Variants in SP100 observed in about 807,000 individuals in gnomAD.
SP100 encodes SP100 nuclear body protein.
SP100 carries 84 observed loss-of-function variants against 130.0 expected under a neutral mutation model. The ratio of observed to expected loss-of-function variants is 0.65; its 90% CI spans 0.54 to 0.77. The LOEUF is 0.77. Among genes scored for constraint, SP100 ranks in the 30% least tolerant of loss-of-function variants. SP100 has a pLI of 0.00. For missense variants in SP100, 978 were observed against 1,052.2 expected, an observed-to-expected ratio of 0.93 and a Z score of 0.97; for synonymous variants, 331 against 351.7, an observed-to-expected ratio of 0.94 and a Z score of 0.66.
intron 20 of SP100, 124 bp from the exon 21 acceptor site, chr2:230,504,062 G>C: frequency 1.7e-6 from 1 of 589,274 alleles, no homozygotes. Context: ...AAATGTAACT[G>C]ATTCATGGGG....
intron 17 of SP100, among the ~76,000 whole-genome samples, chr2:230,478,351 G>C (rs2065669414): frequency 6.6e-6 from 1 of 152,080 alleles, no homozygotes; most frequent in African/African-American, 2.4e-5. Flanking sequence ...CAGAATTACA[G>C]GTTTCTTTGG....
intron 19 of SP100, among the ~76,000 whole-genome samples, chr2:230,501,389 C>A (rs998362593): frequency 6.6e-6 from 1 of 152,112 alleles, no homozygotes; most frequent in Non-Finnish European, 1.5e-5. Flanking sequence ...ACATCTTGTG[C>A]GGTAGAGCAT....
chr2:230,523,022 C>T (rs1196853916), intron 24 of SP100, among the ~76,000 whole-genome samples: 1 of 151,664 alleles, frequency 6.6e-6, no homozygotes, highest in Non-Finnish European at 1.5e-5. Flanking sequence ...ATCATGTTGC[C>T]CAGGCTGGTC....
rs1479072516 is a variant in SP100, at chr2:230,450,056, CAG to C, written c.737-115_737-114del. On this transcript the variant is annotated intron_variant, in intron 7 of 28. Transcript: ENST00000340126. ...ACCTTCACGCAGCAATATATGCAGACAGGGGTATAAGTAGAAACAGGAGAAGA... is the reference window on the plus strand; with the variant it reads ...ACCTTCACGCAGCAATATATGCAGACGGGTATAAGTAGAAACAGGAGAAGA... 2.6e-4 allele frequency: 186 copies of C among 714,800 alleles called. 1 individual carries two copies. The highest frequency in any genetic ancestry group is 1.3e-4 in the Non-Finnish European group (53 of 409,116). The allele number at this position is 714,800 out of a possible 1,614,324, so 44.3% of individuals were successfully genotyped here. A position where few individuals can be genotyped will look rare whatever the true frequency, so the allele number is the denominator to read the frequency against.
At chr2:230,490,359 C>T (rs558888426) in intron 17 of SP100, among the ~76,000 whole-genome samples, 2 of 152,224 alleles carry the variant, frequency 1.3e-5, no homozygotes, top group East Asian at 1.9e-4. Context: ...AAATTTTCCT[C>T]CATTCCCTTA....
chr2:230,534,003 A>G (rs1691818071), intron 24 of SP100, among the ~76,000 whole-genome samples: 1 of 152,186 alleles, frequency 6.6e-6, no homozygotes. Context: ...ATTTTTATTT[A>G]CCTTTTGAAT....
chr2:230,461,342 C>T lies in SP100; in HGVS notation c.901C>T (p.Pro301Ser). The T allele has an allele frequency of 1.9e-6, 3 of 1,614,050 alleles. No homozygotes were observed. Among genetic ancestry groups the T allele is most frequent in the Middle Eastern group, 3.3e-4 (2 of 6,060 alleles). Residue 301 changes from proline to serine, a missense_variant, in exon 9 of 29, where the codon CCA (proline) becomes TCA (serine). Coordinates refer to ENST00000340126, the MANE Select transcript of SP100 (RefSeq NM_001080391.2). ...ACTGGTGGATATAAAAAAGGAAAAGCCATTTTCTAATTCAAAAGTTGAGTG... is the reference window on the plus strand; with the variant it reads ...ACTGGTGGATATAAAAAAGGAAAAGTCATTTTCTAATTCAAAAGTTGAGTG... ...VRLVDIKKEKPFSNSKVECQA... is the reference protein window; with the variant it reads ...VRLVDIKKEKSFSNSKVECQA...
intron 24 of SP100, chr2:230,516,106 C>G: frequency 2.0e-6 from 2 of 984,950 alleles, no homozygotes; most frequent in Non-Finnish European, 2.4e-6. Flanking sequence ...TATGAGGGAA[C>G]TGTGTAGACA....
At position 230,449,703 on chromosome 2, in the gene SP100, G is replaced by A. The variant is rs1264222970; in HGVS notation, c.729G>A (p.Glu243=). 16 of 1,614,152 alleles carry A rather than the reference G, an allele frequency of 9.9e-6. No homozygotes were observed. Among genetic ancestry groups the A allele is most frequent in the Non-Finnish European group, 1.3e-5 (15 of 1,180,010 alleles). The part of the protein sequence containing the change: ...QTNEQCAQKA[E]PTESCEQIAV... ...ATGAACAATGTGCTCAAAAGGCTGA[G>A]CCAACAGGTAAGACTGACTGGGTTG... Residue 243 remains glutamate, a synonymous_variant, in exon 7 of 29, where the codon GAG becomes GAA. Coordinates refer to ENST00000340126, the MANE Select transcript of SP100 (RefSeq NM_001080391.2).
chr2:230,542,917 A>C lies in SP100; in HGVS notation c.2629A>C (p.Thr877Pro), dbSNP rs1265938296. Residue 877 changes from threonine to proline, a missense_variant, in exon 29 of 29, where the codon ACA becomes CCA. Coordinates refer to ENST00000340126, the MANE Select transcript of SP100 (RefSeq NM_001080391.2). ...CAGAAACATTTTTGCAATTCAGGAA[A>C]CAAGCAAGAACATTATAATGTTTAT... ...NFRNIFAIQE[T>P]SKNIIMFI 1 of 1,599,864 alleles carries C rather than the reference A, an allele frequency of 6.3e-7. No homozygotes were observed. The highest frequency in any genetic ancestry group is 1.7e-5 in the Admixed American group (1 of 59,954).
Position 230,504,243 on chromosome 2 carries a change from C to A in SP100, c.1823C>A (p.Thr608Asn), listed in dbSNP as rs777917027. 5.6e-6 allele frequency: 9 copies of A among 1,612,744 alleles called. No homozygotes were observed. The highest frequency in any genetic ancestry group is 7.6e-6 in the Non-Finnish European group (9 of 1,179,026). ...INFKQSELPV[T>N]CGEVKGTLYK... ...TTTAAACAATCTGAACTTCCTGTGA[C>A]CTGTGGTGAGGTGAAGGGCACTCTA... Residue 608 changes from threonine (T) to asparagine (N), a missense_variant, in exon 21 of 29, where the codon ACC (threonine) becomes AAC (asparagine). Transcript: ENST00000340126.
At chr2:230,495,764 T>C (rs923200713) in intron 18 of SP100, among the ~76,000 whole-genome samples, 3 of 152,216 alleles carry the variant, frequency 2.0e-5, no homozygotes, top group African/African-American at 7.2e-5. Flanking sequence ...ATTCTACTTA[T>C]GCTTCTCTTG....
At chr2:230,457,802 G>A (rs1317863147) in intron 8 of SP100, among the ~76,000 whole-genome samples, 1 of 152,120 alleles carries the variant, frequency 6.6e-6, no homozygotes, top group East Asian at 1.9e-4. Context: ...TGGAGGGCTG[G>A]AGAGTCCTAT....
In SP100 at chr2:230,450,274, G is replaced by C; in HGVS notation, c.820+19G>C. On this transcript the variant is annotated intron_variant, in intron 8 of 28. Transcript: ENST00000340126. ...GAAGAAAGTAATTATTGCTTACCTT[G>C]CCTATTTTCTTTCCTTTCTTATTCA... 6.3e-7 allele frequency: 1 copy of C among 1,584,966 alleles called. No homozygotes were observed. Among genetic ancestry groups the C allele is most frequent in the Non-Finnish European group, 8.7e-7 (1 of 1,154,764 alleles).
rs140566598 is a variant in SP100, at chr2:230,455,286, A to G, written c.820+5031A>G. ...CTTATGTTGCCCAGGCAGGTCTCAA[A>G]CTTCTGGGCTCAAGCAATACTTTCA... On this transcript the variant is annotated intron_variant, in intron 8 of 28. Transcript: ENST00000340126. Among the ~76,000 whole-genome samples the G allele has an allele frequency of 1.8e-3, 273 of 152,080 alleles. 1 individual carries two copies. Among genetic ancestry groups the G allele is most frequent in the Middle Eastern group, 0.014 (4 of 294 alleles).
chr2:230,474,262 G>A, intron 16 of SP100, 132 bp from the exon 17 acceptor site: 1 of 603,664 alleles, frequency 1.7e-6, no homozygotes, highest in South Asian at 2.1e-5. Context: ...GTTTCCTTTG[G>A]AAGGAAGACA....
intron 13 of SP100, chr2:230,468,831 A>AAT (rs2065112072): frequency 3.4e-6 from 1 of 296,054 alleles, no homozygotes; most frequent in African/African-American, 2.2e-5. Flanking sequence ...AAAAAAAAAA[A>AAT]AAAAAAAAAA....
intron 23 of SP100, chr2:230,509,499 T>G (rs965494979): frequency 2.6e-5 from 4 of 152,216 alleles, no homozygotes; most frequent in African/African-American, 9.6e-5. Context: ...TGCCAGACAG[T>G]CAAGGCTGAT....
intron 8 of SP100, among the ~76,000 whole-genome samples, 182 bp from the exon 9 acceptor site, chr2:230,461,080 A>G (rs1406513451): frequency 1.3e-5 from 2 of 152,176 alleles, no homozygotes; most frequent in African/African-American, 4.8e-5. Flanking sequence ...AGGGAAAGGT[A>G]AAAAACAAAA....
Sources: gnomAD v4.1 joint callset for allele counts (sites outside exome capture counted in the v4.1 genomes callset) on GRCh38, gnomAD v4.1.1 for gene constraint, MANE v1.5 for transcripts, NCBI Gene and HGNC (gene_info 2026-07-23, HGNC 2026-07-21) for gene names.